The following RYR2 variants were observed in gnomAD, a reference collection of about 807,000 sequenced individuals.
RYR2 encodes the protein ryanodine receptor 2, also known as cardiac muscle ryanodine receptor-calcium release channel.
A neutral mutation model predicts 601.1 loss-of-function variants in RYR2; 227 were observed. The observed-to-expected ratio is 0.38, with a 90% confidence interval of 0.34 to 0.42. The LOEUF (loss-of-function observed/expected upper bound fraction) is 0.42. Ranked by LOEUF, RYR2 falls within the 10% of genes least tolerant of loss-of-function variation. The pLI is 1.00. For missense variants in RYR2, 4,646 were observed against 6,156.5 expected (o/e 0.75, Z 8.21); for synonymous variants, 2,223 against 2,175.1 (o/e 1.02, Z -0.61).
rs547804250 is a variant in RYR2 at position 237,419,974 on chromosome 1, T to G, written c.848+2851T>G. Among the ~76,000 whole-genome samples the G allele has an allele frequency of 1.6e-4, 25 of 152,322 alleles. No individual in the cohort carries two copies. The South Asian group carries it at 5.0e-3, about 30-fold the overall frequency. ...GCTTTTGTTTGTGATAGAACTATATTGCCTAATGCCAATGTTTATATTCAA... is the reference window on the plus strand; with the variant it reads ...GCTTTTGTTTGTGATAGAACTATATGGCCTAATGCCAATGTTTATATTCAA... On this transcript the variant is annotated intron_variant, in intron 11 of 104. Transcript: ENST00000366574.
chr1:237,488,577 A>G (rs1265200800), intron 17 of RYR2, among the ~76,000 whole-genome samples: 2 of 152,334 alleles, frequency 1.3e-5, no homozygotes, highest in South Asian at 2.1e-4. Context: ...GTGTACATCC[A>G]CATGGCCTGA....
intron 47 of RYR2, among the ~76,000 whole-genome samples, chr1:237,641,275 A>C (rs539967574): frequency 6.6e-6 from 1 of 152,304 alleles, no homozygotes; most frequent in East Asian, 1.9e-4. Flanking sequence ...CATTTTAAGA[A>C]GAAAAGAACA....
At chr1:237,676,638 C>T (rs556810434) in intron 60 of RYR2, among the ~76,000 whole-genome samples, 1 of 152,232 alleles carries the variant, frequency 6.6e-6, no homozygotes, top group Admixed American at 6.5e-5. Flanking sequence ...TCATTGTTAT[C>T]GCAAGTGAAA....
At chr1:237,100,089 G>T (rs1264056585) in intron 1 of RYR2, among the ~76,000 whole-genome samples, 2 of 152,158 alleles carry the variant, frequency 1.3e-5, no homozygotes, top group Admixed American at 1.3e-4. Flanking sequence ...AAATGGGTTA[G>T]CTTCTATTTT....
chr1:237,628,140 A>G (rs1470889428), intron 41 of RYR2, 60 bp downstream of exon 41: 5 of 1,552,034 alleles, frequency 3.2e-6, no homozygotes, highest in Non-Finnish European at 2.6e-6. Flanking sequence ...TGTTATACCT[A>G]TAGAGCAGTA....
chr1:237,659,803 A>G (rs948511722), intron 54 of RYR2, among the ~76,000 whole-genome samples, 182 bp from the exon 55 acceptor site: 6 of 152,230 alleles, frequency 3.9e-5, no homozygotes, highest in Admixed American at 1.3e-4. Context: ...TGAAATTTAA[A>G]ATAAAAGAAA....
At chr1:237,577,016 T>G (rs2990546) in intron 29 of RYR2, among the ~76,000 whole-genome samples, 96,517 of 152,068 alleles carry the variant, frequency 0.63, 32,065 homozygotes, top group Non-Finnish European at 0.73. Context: ...TCTTAGGAGC[T>G]CAAATTGGTC....
At chr1:237,486,171 T>C (rs2150385783) in intron 17 of RYR2, among the ~76,000 whole-genome samples, 1 of 152,316 alleles carries the variant, frequency 6.6e-6, no homozygotes, top group Non-Finnish European at 1.5e-5. Flanking sequence ...ATTTTACATA[T>C]ATACGTACAA....
rs940536038 is a variant in RYR2 at position 237,832,986 on chromosome 1, G to A, written c.*339G>A. 5.6e-5 allele frequency: 10 copies of A among 178,096 alleles called. No individual in the cohort carries two copies. The East Asian group carries it at 1.0e-3, about 18-fold the overall frequency. 11.0% of individuals were successfully genotyped at this position (178,096 alleles called of 1,614,324 possible). On this transcript the variant is annotated 3_prime_UTR_variant, in exon 105 of 105. Coordinates refer to ENST00000366574, the MANE Select transcript of RYR2 (RefSeq NM_001035.3). Reference sequence around the variant, plus strand: ...AGCTACGAGACCTTCACAGAGACACGTGGCAGCCACACTCACCCAGCCTCT... The same window carrying A: ...AGCTACGAGACCTTCACAGAGACACATGGCAGCCACACTCACCCAGCCTCT...
chr1:237,289,108 G>A (rs573869496), intron 2 of RYR2, among the ~76,000 whole-genome samples: 1 of 152,244 alleles, frequency 6.6e-6, no homozygotes, highest in Admixed American at 6.5e-5. Context: ...GGGAGAGGAG[G>A]GCCGCCCTTT....
At position 237,784,360 on chromosome 1, in the gene RYR2, G is replaced by A. The variant is rs781557399; in HGVS notation, c.12648G>A (p.Ala4216=). The A allele has an allele frequency of 8.1e-6, 13 of 1,613,930 alleles. No homozygotes were observed. In the East Asian group the frequency reaches 1.8e-4, roughly 22 times the overall value. Residue 4216 remains alanine, a synonymous_variant, in exon 90 of 105, where the codon GCG becomes GCA. Coordinates refer to ENST00000366574, the MANE Select transcript of RYR2 (RefSeq NM_001035.3). This position sits in a 1 kb window ranked among gnomAD's most constrained non-coding sequence, Gnocchi z 7.1. ...AGTCGGACTTGAACGAGAGGTCAGC[G>A]AATAAGGAAGAAAGCGAGAAGGAGA... ...ISESDLNERS[A]NKEESEKERP...
At chr1:237,389,731 A>G (rs752078411) in intron 10 of RYR2, among the ~76,000 whole-genome samples, 5 of 152,182 alleles carry the variant, frequency 3.3e-5, no homozygotes, top group Admixed American at 6.5e-5. Context: ...CATGTTTGCT[A>G]TGAAAGATGG....
chr1:237,144,822 A>G (rs919379215), intron 1 of RYR2, among the ~76,000 whole-genome samples: 2 of 152,174 alleles, frequency 1.3e-5, no homozygotes, highest in Non-Finnish European at 2.9e-5. Flanking sequence ...TTAAGTTATA[A>G]AGTCTAGTAA....
Position 237,251,028 on chromosome 1 carries a change from A to ATG in RYR2, c.49-19435_49-19434dup, listed in dbSNP as rs3056167. Among the ~76,000 whole-genome samples, 1,140 of 139,290 alleles carry ATG rather than the reference A, an allele frequency of 8.2e-3. 10 individuals are homozygous for ATG. The highest frequency in any genetic ancestry group is 0.023 in the African/African-American group (899 of 38,978). The allele number at this position is 139,290 out of a possible 152,430, so 91.4% of individuals were successfully genotyped here. A position where few individuals can be genotyped will look rare whatever the true frequency, so the allele number is the denominator to read the frequency against. The stretch of plus-strand genomic sequence containing the variant: ...TTTCTTTATACCAATTCCCCAACAG[A>ATG]TGTGTGTGTGTGTGTGTGTGTGTGT... On this transcript the variant is annotated intron_variant, in intron 1 of 104. Coordinates refer to ENST00000366574, the MANE Select transcript of RYR2 (RefSeq NM_001035.3).
intron 1 of RYR2, among the ~76,000 whole-genome samples, chr1:237,208,443 G>A (rs1415848863): frequency 1.3e-5 from 2 of 152,292 alleles, no homozygotes; most frequent in East Asian, 3.9e-4. Flanking sequence ...AAGAATGCTT[G>A]AGTAATATAG....
intron 55 of RYR2, among the ~76,000 whole-genome samples, chr1:237,660,321 A>G (rs1473121145): frequency 6.7e-6 from 1 of 149,422 alleles, no homozygotes; most frequent in Admixed American, 6.7e-5. Flanking sequence ...TTTGGTTTTT[A>G]TTCCTCTCCC....
At chr1:237,794,915 T>A (rs1658923994) in intron 95 of RYR2, among the ~76,000 whole-genome samples, 2 of 152,180 alleles carry the variant, frequency 1.3e-5, no homozygotes, top group Non-Finnish European at 2.9e-5. Flanking sequence ...GAAAGAGATT[T>A]TTTTCTTCAT....
chr1:237,263,593 G>A (rs911051714), intron 1 of RYR2, among the ~76,000 whole-genome samples: 3 of 152,182 alleles, frequency 2.0e-5, no homozygotes, highest in Non-Finnish European at 4.4e-5. Flanking sequence ...AATAAAATGC[G>A]TAGGCTCACC....
chr1:237,814,657 G>A (rs1661599518), intron 100 of RYR2, among the ~76,000 whole-genome samples: 1 of 151,990 alleles, frequency 6.6e-6, no homozygotes. Flanking sequence ...TGTAGGAGGA[G>A]AAAGAGAAAA....
Sources: gnomAD v4.1 joint callset for allele counts (sites outside exome capture counted in the v4.1 genomes callset) on GRCh38, gnomAD v4.1.1 for gene constraint, Gnocchi (gnomAD v3.1) non-coding constraint, MANE v1.5 for transcripts, NCBI Gene and HGNC (gene_info 2026-07-23, HGNC 2026-07-21) for gene names.